The following HSPA9 variants were observed in gnomAD, a reference collection of about 807,000 sequenced individuals.
The protein encoded by HSPA9 is stress-70 protein, mitochondrial.
In HSPA9, 28 loss-of-function variants were observed where a neutral mutation model predicts 81.5. The ratio of observed to expected loss-of-function variants is 0.34; its 90% confidence interval spans 0.25 to 0.47. The LOEUF (loss-of-function observed/expected upper bound fraction) is 0.47. HSPA9 is among the 20% of genes least tolerant of loss of function. The pLI is 1.00. For synonymous variants in HSPA9, 293 were observed against 290.4 expected, an observed-to-expected ratio of 1.01 and a Z score of -0.09; for missense variants, 678 against 838.0, an observed-to-expected ratio of 0.81 and a Z score of 2.36.
At position 138,567,608 on chromosome 5, in the gene HSPA9, G is replaced by C. The variant is rs751873897; in HGVS notation, c.609+41C>G. The C allele has an allele frequency of 5.6e-6, 9 of 1,606,704 alleles. No individual in the cohort carries two copies. The African/African-American group carries it at 1.2e-4, about 21-fold the overall frequency. On this transcript the variant is annotated intron_variant, in intron 6 of 16. Transcript: ENST00000297185. ...ACATTTTTGTACCCTTCCATCCCAG[G>C]CACCTTACTTTTTGTGAATAAGAAT...
intron 3 of HSPA9, 91 bp from the exon 4 acceptor site, chr5:138,571,232 G>C (rs1750877815): frequency 7.7e-6 from 10 of 1,302,038 alleles, no homozygotes; most frequent in Non-Finnish European, 1.1e-5. Flanking sequence ...TAAGGCTGGA[G>C]TACAATGGCA....
chr5:138,557,189 T>C (rs1429864445), intron 14 of HSPA9: 2 of 620,862 alleles, frequency 3.2e-6, no homozygotes, highest in African/African-American at 1.8e-5. Flanking sequence ...ACTCTCCCAC[T>C]TTCTTGTTCA....
Position 138,556,453 on chromosome 5 carries a change from T to C in HSPA9, c.1961A>G (p.Lys654Arg). 6.2e-7 allele frequency: 1 copy of C among 1,613,276 alleles called. No homozygotes were observed. The highest frequency in any genetic ancestry group is 8.5e-7 in the Non-Finnish European group (1 of 1,179,882). The change falls in exon 16 of 17, where the codon AAG (lysine) becomes AGG (arginine). Residue 654 changes from lysine to arginine, a missense_variant and splice_region_variant. Coordinates refer to ENST00000297185, the MANE Select transcript of HSPA9 (RefSeq NM_004134.7). The stretch of plus-strand genomic sequence containing the variant: ...CAAAATCCACTTCAGCCCTTGTACC[T>C]TTTTGTATGCCATTTCGAACAGCTT... ...SLKLFEMAYK[K>R]MASEREGSGS...
intron 5 of HSPA9, among the ~76,000 whole-genome samples, chr5:138,568,531 C>G (rs1228438992): frequency 1.3e-5 from 2 of 152,026 alleles, no homozygotes; most frequent in Non-Finnish European, 2.9e-5. Context: ...AAAAAAACCC[C>G]AAAAAACAGA....
At position 138,567,935 on chromosome 5, in the gene HSPA9, A is replaced by G. The variant is rs571362990; in HGVS notation, c.536-213T>C. Among the ~76,000 whole-genome samples, 11 of 152,306 alleles carry G rather than the reference A, an allele frequency of 7.2e-5. No homozygotes were observed. The East Asian group carries it at 2.1e-3, about 29-fold the overall frequency. On this transcript the variant is annotated intron_variant, in intron 5 of 16. Transcript: ENST00000297185. ...CACGGTGGCTCACACTCGTAATCCC[A>G]GCACTTTGGGAGGCTGAGGCGGGCA...
rs554197769 is a variant in HSPA9 at position 138,573,907 on chromosome 5, C to T, written c.141-57G>A. On this transcript the variant is annotated intron_variant, in intron 2 of 16. Transcript: ENST00000297185. ...TTGTTATCTTGATAGACCAAAGTCA[C>T]TGGAAGATAATATTTAATTGGAAAA... The T allele has an allele frequency of 5.1e-5, 71 of 1,394,322 alleles. No individual in the cohort carries two copies. The South Asian group carries it at 7.2e-4, about 14-fold the overall frequency. The allele number at this position is 1,394,322 out of a possible 1,614,324, so 86.4% of individuals were successfully genotyped here.
Position 138,566,496 on chromosome 5 carries a change from C to T in HSPA9, c.972+130G>A. The stretch of plus-strand genomic sequence containing the variant: ...GCTCATGGCAAAGGTCTCTAGAAAC[C>T]AGAAAACTGAAAAAACAAACAAACA... On this transcript the variant is annotated intron_variant, in intron 9 of 16. Transcript: ENST00000297185. 6.7e-6 allele frequency: 5 copies of T among 749,088 alleles called. No homozygotes were observed. The South Asian group carries it at 7.2e-5, about 11-fold the overall frequency. 46.4% of individuals were successfully genotyped at this position (749,088 alleles called of 1,614,324 possible).
chr5:138,575,162 C>A, intron 1 of HSPA9, 76 bp downstream of exon 1: 1 of 1,017,040 alleles, frequency 9.8e-7, no homozygotes, highest in Non-Finnish European at 1.5e-6. Flanking sequence ...CTAAAGGGCG[C>A]GCGGCCTGCC....
At chr5:138,560,530 C>G (rs1394745973) in intron 10 of HSPA9, among the ~76,000 whole-genome samples, 2 of 151,584 alleles carry the variant, frequency 1.3e-5, no homozygotes, top group Non-Finnish European at 2.9e-5. Flanking sequence ...GATAAAGTTC[C>G]ATTTGAATAG....
At position 138,556,860 on chromosome 5, in the gene HSPA9, C is replaced by A; in HGVS notation, c.1735G>T (p.Val579Phe). 1.9e-6 allele frequency: 3 copies of A among 1,612,472 alleles called. No individual in the cohort carries two copies. Among genetic ancestry groups the A allele is most frequent in the Non-Finnish European group, 2.5e-6 (3 of 1,178,582 alleles). Residue 579 changes from valine to phenylalanine, a missense_variant, in exon 15 of 17, where the codon GTT (valine) becomes TTT (phenylalanine). Val to Phe is a conservative substitution (Grantham distance 50). This residue lies in a region of HSPA9 where 484 missense variants were observed against 647.5 expected (regional missense o/e 0.75). Coordinates refer to ENST00000297185, the MANE Select transcript of HSPA9 (RefSeq NM_004134.7). ...CCTTCAGCCATATTAACTGCTTCAACTCGTTCCTTAGAGAAATTAGAAGTT... is the reference window on the plus strand; with the variant it reads ...CCTTCAGCCATATTAACTGCTTCAAATCGTTCCTTAGAGAAATTAGAAGTT... ...AEEDRRKKERVEAVNMAEGII... is the reference protein window; with the variant it reads ...AEEDRRKKERFEAVNMAEGII...
intron 9 of HSPA9, 87 bp downstream of exon 9, chr5:138,566,539 A>G (rs1750766643): frequency 2.0e-6 from 2 of 981,610 alleles, no homozygotes; most frequent in Non-Finnish European, 3.3e-6. Context: ...CTCAACTGAC[A>G]TTAGGCCAAT....
In HSPA9 at chr5:138,556,796, T is replaced by C; in HGVS notation, c.1799A>G (p.Lys600Arg). 6.2e-7 allele frequency: 1 copy of C among 1,613,692 alleles called. No individual in the cohort carries two copies. Among genetic ancestry groups the C allele is most frequent in the Non-Finnish European group, 8.5e-7 (1 of 1,179,572 alleles). The change falls in exon 15 of 17, where the codon AAG (lysine) becomes AGG (arginine). Residue 600 changes from lysine (K) to arginine (R), a missense_variant. Lys to Arg is a conservative substitution (Grantham distance 26). Around this residue, in one of 4 missense-constraint regions of HSPA9, gnomAD observed 100 missense variants for 99.5 expected, o/e 1.00. Transcript: ENST00000297185. ...CACCTCATCAGCAGGTAATTGGTCCTTGAATTCTTCCATCTTGGTTTCTGT... is the reference window on the plus strand; with the variant it reads ...CACCTCATCAGCAGGTAATTGGTCCCTGAATTCTTCCATCTTGGTTTCTGT... ...HDTETKMEEF[K>R]DQLPADECNK...
intron 14 of HSPA9, chr5:138,557,145 G>T (rs927922043): frequency 2.0e-5 from 12 of 602,020 alleles, no homozygotes; most frequent in Admixed American, 5.9e-5. Context: ...ATTATCTTAG[G>T]TTTTCTCTTA....
At chr5:138,562,050 T>C (rs1750672625) in intron 9 of HSPA9, among the ~76,000 whole-genome samples, 1 of 151,642 alleles carries the variant, frequency 6.6e-6, no homozygotes, top group Non-Finnish European at 1.5e-5. Flanking sequence ...GCGATTCTCC[T>C]GCCTCAGCCT....
At chr5:138,558,719 A>G (rs1008245842) in intron 11 of HSPA9, 62 bp from the exon 12 acceptor site, 17 of 1,055,502 alleles carry the variant, frequency 1.6e-5, no homozygotes, top group South Asian at 5.0e-5. Flanking sequence ...TTCTATAGAA[A>G]AAATGAAAGC....
rs572163574 is a variant in HSPA9, at chr5:138,554,223, A to G, written c.*1814T>C. ...CTCCCTCCTAATAGAACTCAAATATATATTTTGCTTGGGCATTTGGCTCCT... is the reference window on the plus strand; with the variant it reads ...CTCCCTCCTAATAGAACTCAAATATGTATTTTGCTTGGGCATTTGGCTCCT... On this transcript the variant is annotated 3_prime_UTR_variant, in exon 17 of 17. Coordinates refer to ENST00000297185, the MANE Select transcript of HSPA9 (RefSeq NM_004134.7). Among the ~76,000 whole-genome samples, 5 of 152,318 alleles carry G rather than the reference A, an allele frequency of 3.3e-5. No homozygotes were observed. The highest frequency in any genetic ancestry group is 2.1e-4 in the South Asian group (1 of 4,832).
chr5:138,558,732 A>T, intron 11 of HSPA9, 75 bp from the exon 12 acceptor site: 1 of 937,748 alleles, frequency 1.1e-6, no homozygotes. Context: ...ATGAAAGCCA[A>T]AGGTTTACAT....
Position 138,575,329 on chromosome 5 carries a change from T to C in HSPA9, c.-11A>G, listed in dbSNP as rs777425630. On this transcript the variant is annotated 5_prime_UTR_variant, in exon 1 of 17. Transcript: ENST00000297185. ...GCTGGCACTTATCATGGCGGATAAA[T>C]GGAGGAGTACGAGGCAGCAAACAAG... 1.9e-6 allele frequency: 3 copies of C among 1,607,732 alleles called. No individual in the cohort carries two copies. Among genetic ancestry groups the C allele is most frequent in the South Asian group, 1.1e-5 (1 of 90,674 alleles).
intron 9 of HSPA9, among the ~76,000 whole-genome samples, chr5:138,565,536 A>G (rs993376943): frequency 1.3e-5 from 2 of 152,070 alleles, no homozygotes; most frequent in Non-Finnish European, 1.5e-5. Context: ...GCTGCTTTCT[A>G]TCTTCATGGG....
Sources: allele counts gnomAD v4.1 joint callset (sites outside exome capture counted in the v4.1 genomes callset), GRCh38; gene constraint gnomAD v4.1.1; regional missense constraint gnomAD v4.1.1; transcripts MANE v1.5; gene names NCBI Gene and HGNC (gene_info 2026-07-23, HGNC 2026-07-21).